MACROD1: variants seen among roughly 807,000 people sequenced by gnomAD.
MACROD1 encodes mono-ADP ribosylhydrolase 1.
In MACROD1, 31 loss-of-function variants were observed where a neutral mutation model predicts 41.4. That is an observed-to-expected ratio of 0.75 (90% CI 0.56 to 1.01). The LOEUF (loss-of-function observed/expected upper bound fraction) is 1.01, where lower values mean the gene tolerates loss of function less well. Ranked by LOEUF, MACROD1 falls within the 50% of genes least tolerant of loss-of-function variation. MACROD1 has a pLI of 0.00. For missense variants in MACROD1, 473 were observed against 460.0 expected, an observed-to-expected ratio of 1.03 and a Z score of -0.26; for synonymous variants, 252 against 203.4, an observed-to-expected ratio of 1.24 and a Z score of -2.03.
intron 4 of MACROD1, among the ~76,000 whole-genome samples, chr11:64,012,457 G>A (rs979162876): frequency 6.6e-6 from 1 of 151,626 alleles, no homozygotes; most frequent in Non-Finnish European, 1.5e-5. Flanking sequence ...CTGGAGTGCA[G>A]TGGTGTGATC....
At chr11:64,042,875 G>T (rs1280620121) in intron 3 of MACROD1, among the ~76,000 whole-genome samples, 1 of 152,196 alleles carries the variant, frequency 6.6e-6, no homozygotes, top group Admixed American at 6.5e-5. Flanking sequence ...AGTTTCCAGG[G>T]GCTTCTGGCT....
chr11:64,078,615 G>C (rs1944247151), intron 3 of MACROD1, among the ~76,000 whole-genome samples: 1 of 152,178 alleles, frequency 6.6e-6, no homozygotes, highest in Admixed American at 6.5e-5. Context: ...GGATTGCCTG[G>C]CCCTCTCCTG....
At position 64,089,884 on chromosome 11, in the gene MACROD1, T is replaced by C. The variant is rs531638851; in HGVS notation, c.517+61355A>G. Among the ~76,000 whole-genome samples, 5 of 152,322 alleles carry C rather than the reference T, an allele frequency of 3.3e-5. No individual in the cohort carries two copies. The East Asian group carries it at 9.6e-4, about 29-fold the overall frequency. ...ATGGTGCTGGAGTCGAGACCAGCTC[T>C]GCCCTGTGTGACCCTGGGCAGGGCA... On this transcript the variant is annotated intron_variant, in intron 3 of 10. Coordinates refer to ENST00000255681, the MANE Select transcript of MACROD1 (RefSeq NM_014067.4).
At chr11:64,104,007 G>A (rs1376615653) in intron 3 of MACROD1, 1 of 152,334 alleles carries the variant, frequency 6.6e-6, no homozygotes, top group Non-Finnish European at 1.5e-5. Context: ...AGTCACCCCA[G>A]GGCTGAGGTC....
chr11:64,147,467 T>A (rs1208438050), intron 3 of MACROD1, among the ~76,000 whole-genome samples: 1 of 151,682 alleles, frequency 6.6e-6, no homozygotes, highest in East Asian at 1.9e-4. Flanking sequence ...CATGGCTCAC[T>A]GCAGCCTTGA....
At chr11:64,138,423 A>T in intron 3 of MACROD1, 1 of 784,752 alleles carries the variant, frequency 1.3e-6, no homozygotes, top group Non-Finnish European at 1.5e-6. Flanking sequence ...CTCCTCACAA[A>T]TGTCAATTCT....
chr11:64,020,905 C>T (rs944176792), intron 3 of MACROD1, among the ~76,000 whole-genome samples: 4 of 151,936 alleles, frequency 2.6e-5, no homozygotes, highest in Admixed American at 6.6e-5. Flanking sequence ...TTTTTAGAGA[C>T]GGGGTTTCAC....
chr11:64,054,477 G>A (rs763145399), intron 3 of MACROD1, among the ~76,000 whole-genome samples: 1 of 152,080 alleles, frequency 6.6e-6, no homozygotes, highest in African/African-American at 2.4e-5. Flanking sequence ...TGCTGGGTTC[G>A]CTGTGCAGTA....
At chr11:64,024,748 G>A (rs1219731766) in intron 3 of MACROD1, among the ~76,000 whole-genome samples, 2 of 152,158 alleles carry the variant, frequency 1.3e-5, no homozygotes, top group African/African-American at 4.8e-5. Flanking sequence ...GAGGAGTTGG[G>A]GGGCCTTAGG....
At chr11:64,071,457 G>T (rs112201301) in intron 3 of MACROD1, among the ~76,000 whole-genome samples, 6 of 152,190 alleles carry the variant, frequency 3.9e-5, no homozygotes, top group Admixed American at 1.3e-4. Context: ...GGCCAGGGCT[G>T]GGGCTGGGCT....
chr11:64,097,596 GA>G (rs1316481537), intron 3 of MACROD1, among the ~76,000 whole-genome samples: 11 of 152,362 alleles, frequency 7.2e-5, no homozygotes, highest in South Asian at 4.1e-4. Context: ...CAAATACCCT[GA>G]AAGTCTGGGT....
intron 3 of MACROD1, among the ~76,000 whole-genome samples, chr11:64,078,586 C>T (rs748009943): frequency 2.0e-5 from 3 of 152,146 alleles, no homozygotes; most frequent in Non-Finnish European, 4.4e-5. Context: ...CCCACAGGGT[C>T]CCATGGGGGG....
chr11:64,152,010 T>C (rs1029675470), intron 2 of MACROD1, among the ~76,000 whole-genome samples: 2 of 152,108 alleles, frequency 1.3e-5, no homozygotes, highest in Non-Finnish European at 2.9e-5. Flanking sequence ...ATGTCTGTAA[T>C]CCCAGCTACT....
intron 3 of MACROD1, among the ~76,000 whole-genome samples, chr11:64,100,282 A>G (rs1294777768): frequency 1.3e-5 from 2 of 152,230 alleles, no homozygotes; most frequent in Non-Finnish European, 2.9e-5. Flanking sequence ...GAGATTGGGC[A>G]CTTGGCTTTC....
At chr11:64,070,673 G>A (rs1289634836) in intron 3 of MACROD1, among the ~76,000 whole-genome samples, 1 of 151,834 alleles carries the variant, frequency 6.6e-6, no homozygotes, top group African/African-American at 2.4e-5. Flanking sequence ...CCAGCTGATC[G>A]GGGCAGATTT....
intron 4 of MACROD1, among the ~76,000 whole-genome samples, chr11:64,012,833 GC>G (rs765285101): frequency 4.0e-5 from 6 of 150,860 alleles, no homozygotes; most frequent in South Asian, 2.1e-4. Flanking sequence ...ACCATGCCCG[GC>G]CCCTTGTTCC....
chr11:64,044,432 A>C (rs1943546676), intron 3 of MACROD1, among the ~76,000 whole-genome samples: 1 of 152,086 alleles, frequency 6.6e-6, no homozygotes. Context: ...TTAATTTGGC[A>C]GAGACAGGGT....
intron 3 of MACROD1, among the ~76,000 whole-genome samples, chr11:64,022,980 G>T (rs1047629573): frequency 2.7e-5 from 4 of 148,364 alleles, no homozygotes; most frequent in Admixed American, 2.1e-4. Flanking sequence ...TCCTGCCTCA[G>T]CCTCCCGAGT....
At chr11:64,012,755 C>T (rs181015745) in intron 4 of MACROD1, among the ~76,000 whole-genome samples, 2 of 152,292 alleles carry the variant, frequency 1.3e-5, no homozygotes, top group East Asian at 1.9e-4. Flanking sequence ...AGGCTGGTCT[C>T]GAACTCTTGA....
Sources: allele counts gnomAD v4.1 joint callset (sites outside exome capture counted in the v4.1 genomes callset), GRCh38; gene constraint gnomAD v4.1.1; transcripts MANE v1.5; gene names NCBI Gene and HGNC (gene_info 2026-07-23, HGNC 2026-07-21).